The following SPAG6 variants were observed in gnomAD, a reference collection of about 807,000 sequenced individuals.
The protein encoded by SPAG6 is sperm associated antigen 6, also known as sperm-associated antigen 6.
In SPAG6, 49 loss-of-function variants were observed where a neutral mutation model predicts 58.5. That is an observed-to-expected ratio of 0.84 (90% CI 0.67 to 1.06). The LOEUF (loss-of-function observed/expected upper bound fraction) is 1.06. Ranked by LOEUF, SPAG6 falls within the 50% of genes least tolerant of loss-of-function variation. The pLI, the probability that SPAG6 is intolerant of heterozygous loss-of-function variation, is 0.00. For missense variants in SPAG6, 560 were observed against 611.3 expected, an observed-to-expected ratio of 0.92 and a Z score of 0.89; for synonymous variants, 233 against 225.6, an observed-to-expected ratio of 1.03 and a Z score of -0.29.
chr10:22,357,041 A>G (rs1836889552), intron 2 of SPAG6, among the ~76,000 whole-genome samples: 1 of 152,102 alleles, frequency 6.6e-6, no homozygotes, highest in African/African-American at 2.4e-5. Flanking sequence ...GTCACACTGC[A>G]TTCTCAGTTT....
Position 22,411,092 on chromosome 10 carries a change from T to C in SPAG6, c.1376T>C (p.Val459Ala). The change falls in exon 10 of 11, where the codon GTT becomes GCT. Residue 459 changes from valine (V) to alanine (A), a missense_variant. Physicochemically the swap from Val to Ala is moderately conservative, Grantham distance 64. Coordinates refer to ENST00000376624, the MANE Select transcript of SPAG6 (RefSeq NM_012443.4). ...GTAACAAGTGGTGGCCTTAAAAAAGTTCAAGAGATAAAAGCAGAACCTGGT... is the reference window on the plus strand; with the variant it reads ...GTAACAAGTGGTGGCCTTAAAAAAGCTCAAGAGATAAAAGCAGAACCTGGT... Reference protein sequence around the residue: ...LFVTSGGLKKVQEIKAEPGSL... With the variant: ...LFVTSGGLKKAQEIKAEPGSL... 6.2e-7 allele frequency: 1 copy of C among 1,614,032 alleles called. No individual in the cohort carries two copies. Among genetic ancestry groups the C allele is most frequent in the East Asian group, 2.2e-5 (1 of 44,858 alleles).
At chr10:22,403,963 C>T (rs1834482093) in intron 9 of SPAG6, among the ~76,000 whole-genome samples, 1 of 150,880 alleles carries the variant, frequency 6.6e-6, no homozygotes, top group South Asian at 2.1e-4. Flanking sequence ...ATGTCCTTCG[C>T]CCACTTTTTG....
chr10:22,365,068 A>G, intron 3 of SPAG6, 49 bp downstream of exon 3: 1 of 1,415,382 alleles, frequency 7.1e-7, no homozygotes, highest in South Asian at 1.4e-5. Context: ...TTAGATTTTT[A>G]AAAATGTGAC....
In SPAG6 at chr10:22,417,012, G is replaced by A. The variant is rs1038499262; in HGVS notation, c.*324G>A. On this transcript the variant is annotated 3_prime_UTR_variant, in exon 11 of 11. Coordinates refer to ENST00000376624, the MANE Select transcript of SPAG6 (RefSeq NM_012443.4). ...CACCTCCAATGAGATATAGTTAAGA[G>A]ATGGCATTCAAAAACCCTAAATTAT... 1.1e-5 allele frequency: 2 copies of A among 188,934 alleles called. No homozygotes were observed. The highest frequency in any genetic ancestry group is 4.7e-5 in the African/African-American group (2 of 42,598). The allele number at this position is 188,934 out of a possible 1,614,324, so 11.7% of individuals were successfully genotyped here. A position where few individuals can be genotyped will look rare whatever the true frequency, so the allele number is the denominator to read the frequency against.
At chr10:22,389,398 A>C (rs1834136367) in intron 7 of SPAG6, 86 bp downstream of exon 7, 4 of 1,399,294 alleles carry the variant, frequency 2.9e-6, no homozygotes, top group Non-Finnish European at 3.9e-6. Flanking sequence ...AGAATACAAA[A>C]TATAACTGAC....
intron 2 of SPAG6, among the ~76,000 whole-genome samples, chr10:22,350,235 T>C (rs1027052846): frequency 3.3e-5 from 5 of 152,112 alleles, no homozygotes; most frequent in Admixed American, 1.3e-4. Context: ...GTGGAAAATA[T>C]GCCAAGGAGC....
intron 8 of SPAG6, among the ~76,000 whole-genome samples, chr10:22,398,457 T>C (rs946968810): frequency 6.6e-6 from 1 of 152,224 alleles, no homozygotes; most frequent in African/African-American, 2.4e-5. Flanking sequence ...CCTGGGCACA[T>C]GGCTTATGCC....
intron 4 of SPAG6, among the ~76,000 whole-genome samples, chr10:22,377,143 C>A (rs575148266): frequency 6.6e-6 from 1 of 151,974 alleles, no homozygotes; most frequent in Admixed American, 6.6e-5. Flanking sequence ...GAAGCTGTTA[C>A]GTGGACACTT....
At chr10:22,401,606 G>A (rs1834416313) in intron 9 of SPAG6, among the ~76,000 whole-genome samples, 2 of 152,042 alleles carry the variant, frequency 1.3e-5, no homozygotes, top group African/African-American at 4.8e-5. Flanking sequence ...TGGGAATATG[G>A]CAAAGATCAT....
At chr10:22,375,115 T>A (rs1833786285) in intron 4 of SPAG6, among the ~76,000 whole-genome samples, 1 of 152,246 alleles carries the variant, frequency 6.6e-6, no homozygotes, top group Non-Finnish European at 1.5e-5. Flanking sequence ...ATAAACCAAG[T>A]TTGAACAATG....
chr10:22,376,491 T>C (rs2132065667), intron 4 of SPAG6, among the ~76,000 whole-genome samples: 1 of 152,380 alleles, frequency 6.6e-6, no homozygotes, highest in South Asian at 2.1e-4. Context: ...ACTGTGTCTG[T>C]GCTTTGTAGA....
chr10:22,414,787 A>G lies in SPAG6; in HGVS notation c.1461-1832A>G, dbSNP rs139052691. Reference sequence around the variant, plus strand: ...TCTTAAATTAATTAATTTTTTTGAGACGGAGTTTCACTCTTGTTGCCCAGA... The same window carrying G: ...TCTTAAATTAATTAATTTTTTTGAGGCGGAGTTTCACTCTTGTTGCCCAGA... On this transcript the variant is annotated intron_variant, in intron 10 of 10. Transcript: ENST00000376624. 9.2e-3 allele frequency among the ~76,000 whole-genome samples: 1,398 copies of G among 152,232 alleles called. 22 individuals carry two copies. The highest frequency in any genetic ancestry group is 0.032 in the African/African-American group (1,335 of 41,532).
At chr10:22,413,688 G>GATATATGT (rs1834800027) in intron 10 of SPAG6, among the ~76,000 whole-genome samples, 1 of 141,614 alleles carries the variant, frequency 7.1e-6, no homozygotes, top group African/African-American at 2.8e-5. Context: ...TCAAATTTCT[G>GATATATGT]ATATATATAT....
intron 2 of SPAG6, among the ~76,000 whole-genome samples, chr10:22,346,484 C>CT (rs1554776479): frequency 1.0e-4 from 14 of 139,328 alleles, no homozygotes; most frequent in African/African-American, 3.6e-4. Context: ...TCTTCTTCTT[C>CT]TTCTTCTTCT....
intron 4 of SPAG6, 57 bp downstream of exon 4, chr10:22,368,735 A>ACCTAATAAATC: frequency 7.2e-7 from 1 of 1,391,612 alleles, no homozygotes; most frequent in Non-Finnish European, 9.9e-7. Context: ...ATTCAGATTT[A>ACCTAATAAATC]TTAGGTAAAT....
chr10:22,407,852 TC>T (rs750233981), intron 9 of SPAG6, among the ~76,000 whole-genome samples: 1 of 151,914 alleles, frequency 6.6e-6, no homozygotes, highest in Non-Finnish European at 1.5e-5. Flanking sequence ...TATTCTTTTT[TC>T]TCTAACCTTC....
At chr10:22,369,974 A>G (rs964351113) in intron 4 of SPAG6, among the ~76,000 whole-genome samples, 19 of 152,206 alleles carry the variant, frequency 1.2e-4, no homozygotes, top group African/African-American at 4.3e-4. Context: ...TGCAAATGTT[A>G]TTATAGCATG....
rs1834886692 is a variant in SPAG6 at position 22,417,214 on chromosome 10, A to G, written c.*526A>G. 1 of 152,218 alleles carries G rather than the reference A, an allele frequency of 6.6e-6. No homozygotes were observed. Among genetic ancestry groups the G allele is most frequent in the African/African-American group, 2.4e-5 (1 of 41,432 alleles). The allele number at this position is 152,218 out of a possible 1,614,324, so 9.4% of individuals were successfully genotyped here. Reference sequence around the variant, plus strand: ...ACTTAAGACACGGACTCTGTGGGTAACCTGTTAGGTTTTACTAAGAATTTA... The same window carrying G: ...ACTTAAGACACGGACTCTGTGGGTAGCCTGTTAGGTTTTACTAAGAATTTA... On this transcript the variant is annotated 3_prime_UTR_variant, in exon 11 of 11. Coordinates refer to ENST00000376624, the MANE Select transcript of SPAG6 (RefSeq NM_012443.4).
At chr10:22,400,380 G>A (rs892510624) in intron 8 of SPAG6, among the ~76,000 whole-genome samples, 1 of 152,108 alleles carries the variant, frequency 6.6e-6, no homozygotes, top group African/African-American at 2.4e-5. Context: ...TTAAGAAAAA[G>A]AAAATGAATC....
Sources: allele counts gnomAD v4.1 joint callset (sites outside exome capture counted in the v4.1 genomes callset), GRCh38; gene constraint gnomAD v4.1.1; transcripts MANE v1.5; gene names NCBI Gene and HGNC (gene_info 2026-07-23, HGNC 2026-07-21).